The following NBAS variants were observed in gnomAD, a reference collection of about 807,000 sequenced individuals.
NBAS encodes the protein NAG/BC035112 fusion.
Under a neutral mutation model 302.5 loss-of-function variants are expected in NBAS, and 219 were observed. The ratio of observed to expected loss-of-function variants is 0.72; its 90% confidence interval spans 0.65 to 0.81. The LOEUF is 0.81. NBAS is among the 30% of genes least tolerant of loss of function. The pLI, the probability that NBAS is intolerant of heterozygous loss-of-function variation, is 0.00. For synonymous variants in NBAS, 1,118 were observed against 1,021.6 expected, an observed-to-expected ratio of 1.09 and a Z score of -1.80; for missense variants, 2,932 against 2,841.6, an observed-to-expected ratio of 1.03 and a Z score of -0.72.
At chr2:15,169,655 A>G (rs570947257) in intron 51 of NBAS, among the ~76,000 whole-genome samples, 2 of 152,186 alleles carry the variant, frequency 1.3e-5, no homozygotes, top group African/African-American at 4.8e-5. Flanking sequence ...TTACTTGTTT[A>G]TTGTTTGTTT....
chr2:15,323,564 T>C (rs1036403215), intron 38 of NBAS, among the ~76,000 whole-genome samples: 5 of 152,188 alleles, frequency 3.3e-5, no homozygotes, highest in Admixed American at 2.6e-4. Context: ...TAGAAAAAAC[T>C]TGATGTATGA....
Position 15,386,568 on chromosome 2 carries a change from T to TAC in NBAS, c.3258-3253_3258-3252dup, listed in dbSNP as rs143894984. ...ACAGATCTGGAATTTAACTGTCCCA[T>TAC]ACACACATGGGGATCACTCTCAAAT... On this transcript the variant is annotated intron_variant, in intron 28 of 51. Coordinates refer to ENST00000281513, the MANE Select transcript of NBAS (RefSeq NM_015909.4). Among the ~76,000 whole-genome samples, 177 of 152,286 alleles carry TAC rather than the reference T, an allele frequency of 1.2e-3. 1 individual carries two copies. The East Asian group carries it at 0.032, about 28-fold the overall frequency.
chr2:15,194,271 C>A (rs1464175538), intron 48 of NBAS, among the ~76,000 whole-genome samples: 2 of 152,026 alleles, frequency 1.3e-5, no homozygotes, highest in Non-Finnish European at 2.9e-5. Flanking sequence ...TAATTTGAAA[C>A]TTGAAAAGTA....
At chr2:14,794,124 A>G in the NBAS span, among the ~76,000 whole-genome samples, 2 of 152,334 alleles carry the variant, frequency 1.3e-5, no homozygotes, top group East Asian at 3.9e-4. Flanking sequence ...AGCCAGACAA[A>G]GGCATGAATG....
At chr2:15,182,623 G>A (rs1393450702) in intron 50 of NBAS, among the ~76,000 whole-genome samples, 3 of 152,150 alleles carry the variant, frequency 2.0e-5, no homozygotes, top group African/African-American at 7.2e-5. Context: ...ACAAATAGCG[G>A]GACCTCGGAA....
At chr2:15,271,433 C>T (rs902485531) in intron 44 of NBAS, among the ~76,000 whole-genome samples, 1 of 152,108 alleles carries the variant, frequency 6.6e-6, no homozygotes, top group East Asian at 1.9e-4. Context: ...CAGTGGTTTA[C>T]GATGGCAATG....
At chr2:15,046,022 G>C in the NBAS span, among the ~76,000 whole-genome samples, 125,128 of 152,186 alleles carry the variant, frequency 0.82, 51,792 homozygotes, top group East Asian at 0.99. Context: ...CTGAACTATT[G>C]CTACTCATGT....
chr2:15,306,098 T>C (rs2148151669), intron 40 of NBAS, among the ~76,000 whole-genome samples: 1 of 152,334 alleles, frequency 6.6e-6, no homozygotes, highest in South Asian at 2.1e-4. Flanking sequence ...ATAGCACTAA[T>C]GAAAAGGTAA....
intron 11 of NBAS, 24 bp from the exon 12 acceptor site, chr2:15,489,046 G>A (rs1406312218): frequency 4.3e-6 from 7 of 1,611,398 alleles, no homozygotes; most frequent in Non-Finnish European, 5.9e-6. Context: ...ATAAGGTCAG[G>A]GCAAAGGACT....
the NBAS span, among the ~76,000 whole-genome samples, chr2:15,029,120 T>C: frequency 6.6e-6 from 1 of 152,212 alleles, no homozygotes; most frequent in Non-Finnish European, 1.5e-5. Flanking sequence ...ATTTGCTGAA[T>C]GAAGAAATGA....
At chr2:14,856,108 C>G in the NBAS span, among the ~76,000 whole-genome samples, 10 of 152,260 alleles carry the variant, frequency 6.6e-5, no homozygotes, top group African/African-American at 2.2e-4. Flanking sequence ...CCCAAACATT[C>G]ACTATGTTTG....
At chr2:15,302,169 G>A (rs1670831570) in intron 40 of NBAS, among the ~76,000 whole-genome samples, 1 of 152,246 alleles carries the variant, frequency 6.6e-6, no homozygotes, top group Admixed American at 6.5e-5. Flanking sequence ...CCACTCACTG[G>A]TGATGTATCT....
At chr2:15,067,116 A>T in the NBAS span, among the ~76,000 whole-genome samples, 1 of 135,574 alleles carries the variant, frequency 7.4e-6, no homozygotes, top group Non-Finnish European at 1.5e-5. Flanking sequence ...TGAGTCCAGG[A>T]GTTCGAGACC....
At chr2:14,970,467 T>C in the NBAS span, among the ~76,000 whole-genome samples, 4 of 152,138 alleles carry the variant, frequency 2.6e-5, no homozygotes, top group Admixed American at 6.5e-5. Context: ...GCACCTAACA[T>C]ATTTGAGGGT....
chr2:14,867,174 A>G, the NBAS span, among the ~76,000 whole-genome samples: 4 of 152,226 alleles, frequency 2.6e-5, no homozygotes, highest in African/African-American at 9.6e-5. Context: ...CTCTGTGGAT[A>G]GGTCACAAAG....
chr2:15,004,667 ATTTTT>A, the NBAS span, among the ~76,000 whole-genome samples: 17 of 105,454 alleles, frequency 1.6e-4, no homozygotes, highest in African/African-American at 2.6e-4. Flanking sequence ...CTCCCAGCTG[ATTTTT>A]TTTTTTTTTT....
At chr2:15,129,647 T>C in the NBAS span, among the ~76,000 whole-genome samples, 1 of 152,196 alleles carries the variant, frequency 6.6e-6, no homozygotes, top group Non-Finnish European at 1.5e-5. Flanking sequence ...TTTTCTAAAA[T>C]GCCCTTCCTG....
chr2:15,171,847 G>A (rs973621046), intron 51 of NBAS, among the ~76,000 whole-genome samples: 1 of 152,204 alleles, frequency 6.6e-6, no homozygotes, highest in African/African-American at 2.4e-5. Context: ...AGCCATGTGA[G>A]GACAGTGAGA....
chr2:15,255,974 T>C (rs546044651), intron 44 of NBAS, among the ~76,000 whole-genome samples: 1 of 152,326 alleles, frequency 6.6e-6, no homozygotes, highest in South Asian at 2.1e-4. Flanking sequence ...TAGTATAGTT[T>C]GAAGTTAGGT....
Sources: allele counts gnomAD v4.1 joint callset (sites outside exome capture counted in the v4.1 genomes callset), GRCh38; gene constraint gnomAD v4.1.1; transcripts MANE v1.5; gene names NCBI Gene and HGNC (gene_info 2026-07-23, HGNC 2026-07-21).